CAMSAP1: variants seen among roughly 807,000 people sequenced by gnomAD.
CAMSAP1 encodes the protein calmodulin regulated spectrin associated protein 1.
In CAMSAP1, 58 loss-of-function variants were observed where a neutral mutation model predicts 143.5. The ratio of observed to expected loss-of-function variants is 0.40; its 90% CI spans 0.33 to 0.50. The LOEUF (loss-of-function observed/expected upper bound fraction) is 0.50. CAMSAP1 is among the 20% of genes least tolerant of loss of function. The pLI is 0.45. For missense variants in CAMSAP1, 1,969 were observed against 2,115.7 expected (o/e 0.93, Z 1.36); for synonymous variants, 945 against 859.3 (o/e 1.10, Z -1.74).
intron 1 of CAMSAP1, among the ~76,000 whole-genome samples, chr9:135,891,692 ATG>A (rs963681307): frequency 6.6e-6 from 1 of 152,248 alleles, no homozygotes; most frequent in Non-Finnish European, 1.5e-5. Context: ...AACCAGGAAA[ATG>A]TGACCAATTT....
At chr9:135,825,631 C>A (rs548967075) in intron 8 of CAMSAP1, among the ~76,000 whole-genome samples, 202 of 152,366 alleles carry the variant, frequency 1.3e-3, no homozygotes, top group Middle Eastern at 3.4e-3. Flanking sequence ...CGGCACCCAG[C>A]AGCCTCTGCC....
Position 135,820,115 on chromosome 9 carries a change from C to A in CAMSAP1, c.3822+724G>T, listed in dbSNP as rs899626918. On this transcript the variant is annotated intron_variant, in intron 11 of 16. Coordinates refer to ENST00000389532, the MANE Select transcript of CAMSAP1 (RefSeq NM_015447.4). The surrounding 1 kb of genome is among the most constrained non-coding windows in gnomAD (Gnocchi z 4.4). ...CGCACACCTGGATGGCAGCGCCCCCCACAGGCCTCGGCTACATCAGCCACT... is the reference window on the plus strand; with the variant it reads ...CGCACACCTGGATGGCAGCGCCCCCAACAGGCCTCGGCTACATCAGCCACT... Among the ~76,000 whole-genome samples, 7 of 152,204 alleles carry A rather than the reference C, an allele frequency of 4.6e-5. No homozygotes were observed. Among genetic ancestry groups the A allele is most frequent in the African/African-American group, 9.7e-5 (4 of 41,442 alleles).
At chr9:135,880,821 C>T (rs1222184875) in intron 3 of CAMSAP1, among the ~76,000 whole-genome samples, 1 of 152,202 alleles carries the variant, frequency 6.6e-6, no homozygotes, top group African/African-American at 2.4e-5. Context: ...AGGATGCTTA[C>T]TAACCAAAGG....
chr9:135,866,001 G>A (rs985553957), intron 4 of CAMSAP1, among the ~76,000 whole-genome samples: 2 of 152,354 alleles, frequency 1.3e-5, no homozygotes, highest in South Asian at 2.1e-4. Context: ...CCCAGCCATC[G>A]TGCTACTTCA....
intron 3 of CAMSAP1, among the ~76,000 whole-genome samples, chr9:135,875,560 T>C (rs1837714195): frequency 1.3e-5 from 2 of 152,180 alleles, no homozygotes; most frequent in Non-Finnish European, 2.9e-5. Context: ...GACTTAACAT[T>C]GTCCAATTTC....
At chr9:135,895,817 C>T (rs373013437) in intron 1 of CAMSAP1, among the ~76,000 whole-genome samples, 4 of 152,124 alleles carry the variant, frequency 2.6e-5, no homozygotes, top group Admixed American at 1.3e-4. Flanking sequence ...ATAAGGATAT[C>T]AGTAAACTGT....
At chr9:135,832,171 T>C (rs1835880720) in intron 7 of CAMSAP1, among the ~76,000 whole-genome samples, 1 of 152,090 alleles carries the variant, frequency 6.6e-6, no homozygotes, top group Non-Finnish European at 1.5e-5. Context: ...AAATCCTCAA[T>C]AAAATACTAA....
At position 135,907,430 on chromosome 9, in the gene CAMSAP1, G is replaced by A. The variant is rs1838821817; in HGVS notation, c.-271C>T. On this transcript the variant is annotated 5_prime_UTR_variant, in exon 1 of 17. Transcript: ENST00000389532. ...GCAGGAGGGCGCGGGCCGGGGGCGGGGGCGGGCGCGGGGGCGGGAGCGGGC... is the reference window on the plus strand; with the variant it reads ...GCAGGAGGGCGCGGGCCGGGGGCGGAGGCGGGCGCGGGGGCGGGAGCGGGC... Among the ~76,000 whole-genome samples the A allele has an allele frequency of 2.1e-5, 3 of 145,924 alleles. No individual in the cohort carries two copies. Among genetic ancestry groups the A allele is most frequent in the Admixed American group, 2.0e-4 (3 of 14,682 alleles).
chr9:135,839,307 G>T (rs772486244), intron 7 of CAMSAP1, among the ~76,000 whole-genome samples: 9 of 152,170 alleles, frequency 5.9e-5, no homozygotes, highest in Non-Finnish European at 1.3e-4. Flanking sequence ...GAGTCTGTTT[G>T]TGTCCGTATT....
chr9:135,836,842 G>T, intron 7 of CAMSAP1: 1 of 976,900 alleles, frequency 1.0e-6, no homozygotes, highest in African/African-American at 1.9e-5. Flanking sequence ...CACTTCTACC[G>T]ACACACATCA....
intron 5 of CAMSAP1, among the ~76,000 whole-genome samples, chr9:135,850,707 G>A (rs1420644390): frequency 2.0e-5 from 3 of 152,124 alleles, no homozygotes; most frequent in Non-Finnish European, 2.9e-5. Context: ...AATAGAAATC[G>A]CTCAGATCTC....
rs1261558566 is a variant in CAMSAP1, at chr9:135,907,521, G to A, written c.-362C>T. Among the ~76,000 whole-genome samples, 1 of 149,172 alleles carries A rather than the reference G, an allele frequency of 6.7e-6. No homozygotes were observed. The highest frequency in any genetic ancestry group is 2.1e-4 in the South Asian group (1 of 4,818). ...CGGCGGCGGCGACAGCGGCTGAGGC[G>A]GTGGCCAAGGAGCGGGAGCGCGCTC... On this transcript the variant is annotated 5_prime_UTR_variant, in exon 1 of 17. Coordinates refer to ENST00000389532, the MANE Select transcript of CAMSAP1 (RefSeq NM_015447.4).
rs143063394 is a variant in CAMSAP1 at position 135,821,805 on chromosome 9, G to A, written c.2856C>T (p.Ser952=). 5.9e-5 allele frequency: 95 copies of A among 1,613,912 alleles called. No homozygotes were observed. In the African/African-American group the frequency reaches 1.1e-3, roughly 18 times the overall value. Reference sequence around the variant, plus strand: ...CCTTCACGAGAAAGTCTTCGGTTTTGGAAACAGCGTCCCCACAGTCCTCCC... The same window carrying A: ...CCTTCACGAGAAAGTCTTCGGTTTTAGAAACAGCGTCCCCACAGTCCTCCC... The part of the protein sequence containing the change: ...HNGEDCGDAV[S]KTEDFLVKEE... The change falls in exon 11 of 17, where the codon TCC becomes TCT. Residue 952 remains serine, a synonymous_variant. Coordinates refer to ENST00000389532, the MANE Select transcript of CAMSAP1 (RefSeq NM_015447.4). The surrounding 1 kb of genome is among the most constrained non-coding windows in gnomAD (Gnocchi z 4.6).
chr9:135,828,579 T>G (rs957638062), intron 7 of CAMSAP1, among the ~76,000 whole-genome samples: 1 of 152,162 alleles, frequency 6.6e-6, no homozygotes, highest in Non-Finnish European at 1.5e-5. Flanking sequence ...GGAAAGAGAC[T>G]ATGACTCATG....
intron 5 of CAMSAP1, among the ~76,000 whole-genome samples, chr9:135,852,757 C>A (rs1483422638): frequency 1.3e-5 from 2 of 152,168 alleles, no homozygotes; most frequent in Non-Finnish European, 2.9e-5. Context: ...ACATACCCTG[C>A]ACATTCTTAT....
intron 15 of CAMSAP1, 74 bp from the exon 16 acceptor site, chr9:135,815,289 T>C (rs1465075232): frequency 1.0e-6 from 1 of 974,886 alleles, no homozygotes; most frequent in Non-Finnish European, 1.5e-6. Flanking sequence ...AAACCAGCAA[T>C]GTCTTAGAAG....
chr9:135,819,429 T>A (rs1474557418), intron 11 of CAMSAP1, among the ~76,000 whole-genome samples: 1 of 152,162 alleles, frequency 6.6e-6, no homozygotes, highest in Non-Finnish European at 1.5e-5. Flanking sequence ...CTGGGCAGAA[T>A]GGCTCATTCC....
chr9:135,819,762 G>A (rs1429880381), intron 11 of CAMSAP1, among the ~76,000 whole-genome samples: 1 of 150,572 alleles, frequency 6.6e-6, no homozygotes, highest in Non-Finnish European at 1.5e-5. Flanking sequence ...CAGAAGAATC[G>A]CTTGAACTCG....
rs1835588689 is a variant in CAMSAP1, at chr9:135,824,122, G to A, written c.1316-88C>T. 1 of 1,193,944 alleles carries A rather than the reference G, an allele frequency of 8.4e-7. No individual in the cohort carries two copies. Among genetic ancestry groups the A allele is most frequent in the Non-Finnish European group, 1.2e-6 (1 of 823,922 alleles). The allele number at this position is 1,193,944 out of a possible 1,614,324, so 74.0% of individuals were successfully genotyped here. ...AATATGACCATTTGTCCAGAAAAAT[G>A]CCTCTCAAGTCAGTACACCAGAAGG... On this transcript the variant is annotated intron_variant, in intron 9 of 16. Transcript: ENST00000389532. The surrounding 1 kb of genome is among the most constrained non-coding windows in gnomAD (Gnocchi z 4.1).
Sources: allele counts gnomAD v4.1 joint callset (sites outside exome capture counted in the v4.1 genomes callset), GRCh38; gene constraint gnomAD v4.1.1; non-coding constraint Gnocchi (gnomAD v3.1); transcripts MANE v1.5; gene names NCBI Gene and HGNC (gene_info 2026-07-23, HGNC 2026-07-21).